Variants in PCDHGA3 observed in about 807,000 individuals in gnomAD.
PCDHGA3 encodes the protein protocadherin gamma-A3.
PCDHGA3 carries 40 observed loss-of-function variants against 58.5 expected under a neutral mutation model. That is an observed-to-expected ratio of 0.68 (90% CI 0.53 to 0.89). The LOEUF (loss-of-function observed/expected upper bound fraction) is 0.89, where lower values mean the gene tolerates loss of function less well. Ranked by LOEUF, PCDHGA3 falls within the 40% of genes least tolerant of loss-of-function variation. The pLI is 0.00. For missense variants in PCDHGA3, 1,223 were observed against 1,195.9 expected (o/e 1.02, Z -0.33); for synonymous variants, 530 against 525.7 (o/e 1.01, Z -0.11).
chr5:141,511,002 C>T lies in PCDHGA3; in HGVS notation c.2628C>T (p.Ser876=), dbSNP rs143630962. 77 of 1,614,140 alleles carry T rather than the reference C, an allele frequency of 4.8e-5. No individual in the cohort carries two copies. Among genetic ancestry groups the T allele is most frequent in the South Asian group, 2.1e-4 (19 of 91,080 alleles). ...GGGGTGCCGGCACCATGGGATTGAG[C>T]GCCCGCTACGGACCCCAGTTCACCC... The part of the protein sequence containing the change: ...LGGGAGTMGL[S]ARYGPQFTLQ... Residue 876 remains serine (S), a synonymous_variant, in exon 4 of 4, where the codon AGC becomes AGT. Coordinates refer to ENST00000253812, the MANE Select transcript of PCDHGA3 (RefSeq NM_018916.4).
chr5:141,375,476 A>G, intron 1 of PCDHGA3: 1 of 1,613,926 alleles, frequency 6.2e-7, no homozygotes, highest in Non-Finnish European at 8.5e-7. Context: ...CCTTGAAAAC[A>G]ACCCCAGGGG....
Position 141,346,504 on chromosome 5 carries a change from T to C in PCDHGA3, c.2424+47T>C, listed in dbSNP as rs747030276. ...ATTATTAAGAACAAATATGAGAATG[T>C]GGTTATTATAAAGCTTTAACACATA... On this transcript the variant is annotated intron_variant, in intron 1 of 3. Coordinates refer to ENST00000253812, the MANE Select transcript of PCDHGA3 (RefSeq NM_018916.4). The C allele has an allele frequency of 3.1e-6, 5 of 1,610,034 alleles. No homozygotes were observed. In the Admixed American group the frequency reaches 8.4e-5, roughly 27 times the overall value.
At position 141,383,936 on chromosome 5, in the gene PCDHGA3, AAGTGACTATG is replaced by A. The variant is rs765282926; in HGVS notation, c.2424+37481_2424+37490del. On this transcript the variant is annotated intron_variant, in intron 1 of 3. Coordinates refer to ENST00000253812, the MANE Select transcript of PCDHGA3 (RefSeq NM_018916.4). ...TTAGATGTAAATGATAATGCTCCAG[AAGTGACTATG>A]ACGTCTTTAAGTAGCTCAATCCCTG... 5.0e-6 allele frequency: 8 copies of A among 1,613,818 alleles called. No homozygotes were observed. In the South Asian group the frequency reaches 8.8e-5, roughly 18 times the overall value.
Position 141,346,088 on chromosome 5 carries a change from C to T in PCDHGA3, c.2055C>T (p.Asn685=). The change falls in exon 1 of 4, where the codon AAC becomes AAT. Residue 685 remains asparagine (N), a synonymous_variant. Transcript: ENST00000253812. ...LGSLEPSAKP[N]DSDLTLYLVV... ...GCCTCGAGCCCTCCGCCAAACCCAA[C>T]GATTCGGACCTCACTCTGTACCTGG... 2 of 1,613,738 alleles carry T rather than the reference C, an allele frequency of 1.2e-6. No homozygotes were observed. The highest frequency in any genetic ancestry group is 1.7e-6 in the Non-Finnish European group (2 of 1,179,834).
intron 1 of PCDHGA3, chr5:141,377,279 A>T (rs1256145515): frequency 1.3e-5 from 2 of 152,110 alleles, no homozygotes; most frequent in Admixed American, 1.3e-4. Flanking sequence ...TGGGAAAAAA[A>T]ATAACCTTAA....
chr5:141,445,093 A>G (rs987863232), intron 1 of PCDHGA3, among the ~76,000 whole-genome samples: 2 of 152,168 alleles, frequency 1.3e-5, no homozygotes, highest in Non-Finnish European at 2.9e-5. Flanking sequence ...TACATATTTG[A>G]TGTTTTCTAA....
At chr5:141,418,899 T>C (rs1320380997) in intron 1 of PCDHGA3, 1 of 1,613,944 alleles carries the variant, frequency 6.2e-7, no homozygotes. Flanking sequence ...AGCCCAGAAA[T>C]AATCATCACG....
At chr5:141,429,647 T>C (rs1430094173) in intron 1 of PCDHGA3, among the ~76,000 whole-genome samples, 2 of 152,272 alleles carry the variant, frequency 1.3e-5, no homozygotes, top group African/African-American at 4.8e-5. Flanking sequence ...TATATATTTC[T>C]TCCCAATTTA....
At chr5:141,350,630 A>G (rs761842386) in intron 1 of PCDHGA3, 6 of 1,613,930 alleles carry the variant, frequency 3.7e-6, no homozygotes, top group Non-Finnish European at 5.1e-6. Context: ...CCAAGATATT[A>G]ATGACAATGC....
At chr5:141,409,088 GAGAAAAC>G in intron 1 of PCDHGA3, 1 of 1,614,044 alleles carries the variant, frequency 6.2e-7, no homozygotes, top group Non-Finnish European at 8.5e-7. Context: ...CTCATTGGAT[GAGAAAAC>G]AGGTATGATT....
At chr5:141,409,755 G>C (rs2095312141) in intron 1 of PCDHGA3, 1 of 1,613,024 alleles carries the variant, frequency 6.2e-7, no homozygotes, top group Non-Finnish European at 8.5e-7. Flanking sequence ...TTCGCGCAGC[G>C]CGCCTTTGAT....
At chr5:141,384,078 A>G in intron 1 of PCDHGA3, 1 of 1,598,728 alleles carries the variant, frequency 6.3e-7, no homozygotes. Context: ...TACCTTTTAA[A>G]TTAGAAAAAT....
chr5:141,357,409 G>A, intron 1 of PCDHGA3: 4 of 1,614,250 alleles, frequency 2.5e-6, no homozygotes, highest in Non-Finnish European at 2.5e-6. Flanking sequence ...AGGTGTGCCT[G>A]CCTCGCACTT....
At chr5:141,404,769 A>G in intron 1 of PCDHGA3, 2 of 1,611,124 alleles carry the variant, frequency 1.2e-6, no homozygotes, top group Non-Finnish European at 1.7e-6. Flanking sequence ...TGGCTCTCCT[A>G]CCGCCTATTC....
chr5:141,419,505 G>A lies in PCDHGA3; in HGVS notation c.2424+73048G>A, dbSNP rs115850576. The A allele has an allele frequency of 8.4e-4, 1,351 of 1,612,324 alleles. 13 individuals are homozygous for A. In the African/African-American group the frequency reaches 0.015, roughly 18 times the overall value. The stretch of plus-strand genomic sequence containing the variant: ...GCGCTCAGCGCCAATGTGAGCCTGC[G>A]CGTGTTGGTGGGCGACCGTAACGAC... On this transcript the variant is annotated intron_variant, in intron 1 of 3. Transcript: ENST00000253812.
In PCDHGA3 at chr5:141,489,844, C is replaced by A; in HGVS notation, c.2425-4963C>A. 2 of 1,614,148 alleles carry A rather than the reference C, an allele frequency of 1.2e-6. No individual in the cohort carries two copies. Among genetic ancestry groups the A allele is most frequent in the Non-Finnish European group, 1.7e-6 (2 of 1,179,982 alleles). On this transcript the variant is annotated intron_variant, in intron 1 of 3. Coordinates refer to ENST00000253812, the MANE Select transcript of PCDHGA3 (RefSeq NM_018916.4). The surrounding 1 kb of genome is among the most constrained non-coding windows in gnomAD (Gnocchi z 4.5). Reference sequence around the variant, plus strand: ...GCTGGTGCTAGAGCAGCAGCTGGATCGTGAAGCCCAGGCAAGACATCAGCT... The same window carrying A: ...GCTGGTGCTAGAGCAGCAGCTGGATAGTGAAGCCCAGGCAAGACATCAGCT...
chr5:141,408,488 T>C lies in PCDHGA3; in HGVS notation c.2424+62031T>C, dbSNP rs199936765. ...GAACCGAATAGACCGTGAGCAAATA[T>C]GCAAAGAGAGAAGAAGATGTGAGTT... On this transcript the variant is annotated intron_variant, in intron 1 of 3. Transcript: ENST00000253812. The C allele has an allele frequency of 8.1e-6, 13 of 1,613,894 alleles. No individual in the cohort carries two copies. The highest frequency in any genetic ancestry group is 4.0e-5 in the African/African-American group (3 of 74,922).
chr5:141,498,312 T>C (rs2099783060), intron 2 of PCDHGA3, among the ~76,000 whole-genome samples: 1 of 151,714 alleles, frequency 6.6e-6, no homozygotes, highest in Non-Finnish European at 1.5e-5. Context: ...TCACACTGCC[T>C]ACACAGAAGG....
At chr5:141,419,717 G>A (rs1159633605) in intron 1 of PCDHGA3, 3 of 1,613,236 alleles carry the variant, frequency 1.9e-6, no homozygotes, top group Non-Finnish European at 2.5e-6. Flanking sequence ...CTTCAGCCTG[G>A]GGCTGCGAAC....
Sources: gnomAD v4.1 joint callset for allele counts (sites outside exome capture counted in the v4.1 genomes callset) on GRCh38, gnomAD v4.1.1 for gene constraint, Gnocchi (gnomAD v3.1) non-coding constraint, MANE v1.5 for transcripts, NCBI Gene and HGNC (gene_info 2026-07-23, HGNC 2026-07-21) for gene names.